The following MCM9 variants were observed in gnomAD, a reference collection of about 807,000 sequenced individuals.
The protein encoded by MCM9 is DNA helicase MCM9.
MCM9 carries 55 observed loss-of-function variants against 72.8 expected under a neutral mutation model. The ratio of observed to expected loss-of-function variants is 0.76; its 90% CI spans 0.61 to 0.95. MCM9 has a LOEUF of 0.95. Among genes scored for constraint, MCM9 ranks in the 40% least tolerant of loss-of-function variants. The probability of loss-of-function intolerance (pLI) is 0.00; values close to 1 mark genes in which losing one functional copy is unlikely to be tolerated. For missense variants in MCM9, 1,279 were observed against 1,377.0 expected, an observed-to-expected ratio of 0.93 and a Z score of 1.13; for synonymous variants, 480 against 503.4, an observed-to-expected ratio of 0.95 and a Z score of 0.62.
Position 118,913,347 on chromosome 6 carries a change from C to T in MCM9, c.978G>A (p.Met326Ile), listed in dbSNP as rs763668949. ...TCCTTTGAATCCCACCAGCCAGCAC[C>T]ATGGCCACAGCAAGCTTTACTAGAT... ...GMYLVKLAVA[M>I]VLAGGIQRTD... The change falls in exon 7 of 14, where the codon ATG becomes ATA. Residue 326 changes from methionine to isoleucine, a missense_variant. Transcript: ENST00000619706. 103 of 1,614,000 alleles carry T rather than the reference C, an allele frequency of 6.4e-5. No individual in the cohort carries two copies. Among genetic ancestry groups the T allele is most frequent in the Non-Finnish European group, 7.5e-5 (88 of 1,180,018 alleles).
chr6:118,870,033 A>G (rs1280240784), intron 8 of MCM9, among the ~76,000 whole-genome samples: 1 of 152,218 alleles, frequency 6.6e-6, no homozygotes, highest in Admixed American at 6.5e-5. Flanking sequence ...AAGGAGACAT[A>G]GCCTGCAACA....
intron 1 of MCM9, among the ~76,000 whole-genome samples, chr6:118,933,970 A>ACCCC (rs1782678838): frequency 6.6e-6 from 1 of 151,542 alleles, no homozygotes; most frequent in African/African-American, 2.4e-5. Flanking sequence ...TGCCCAAAAA[A>ACCCC]AAAAAAAAAA....
intron 8 of MCM9, among the ~76,000 whole-genome samples, chr6:118,896,782 T>C (rs1029405497): frequency 2.6e-5 from 4 of 152,186 alleles, no homozygotes; most frequent in East Asian, 1.9e-4. Flanking sequence ...ATAGGTTCCA[T>C]ACTTTTATAT....
intron 13 of MCM9, among the ~76,000 whole-genome samples, chr6:118,823,951 GA>G (rs1173600109): frequency 3.7e-5 from 5 of 134,232 alleles, no homozygotes; most frequent in African/African-American, 8.4e-5. Context: ...TTTATAATCA[GA>G]AAAAAAGCCC....
At chr6:118,911,565 A>G in intron 8 of MCM9, 85 bp downstream of exon 8, 1 of 1,512,046 alleles carries the variant, frequency 6.6e-7, no homozygotes, top group East Asian at 2.3e-5. Flanking sequence ...AATTTATCCT[A>G]TTATAGGTAG....
At chr6:118,828,285 G>A (rs969432522) in intron 10 of MCM9, among the ~76,000 whole-genome samples, 155 bp from the exon 11 acceptor site, 27 of 152,092 alleles carry the variant, frequency 1.8e-4, no homozygotes, top group African/African-American at 6.5e-4. Context: ...CATACAATCA[G>A]CATCTTATGA....
intron 8 of MCM9, among the ~76,000 whole-genome samples, chr6:118,876,170 C>G (rs1452057413): frequency 6.6e-6 from 1 of 152,012 alleles, no homozygotes; most frequent in South Asian, 2.1e-4. Context: ...ATTACATTCT[C>G]GAAAAAGTAA....
chr6:118,894,671 C>CGGCCGCCGAGGCGCGCGCGGCT, intron 8 of MCM9: 1 of 696,930 alleles, frequency 1.4e-6, no homozygotes, highest in African/African-American at 1.9e-5. Flanking sequence ...TGATGGACGA[C>CGGCCGCCGAGGCGCGCGCGGCT]GGCCGCCGAG....
At chr6:118,888,105 A>C (rs1778711859) in intron 8 of MCM9, among the ~76,000 whole-genome samples, 1 of 152,200 alleles carries the variant, frequency 6.6e-6, no homozygotes, top group African/African-American at 2.4e-5. Context: ...CCATGGCTAT[A>C]ATCAAAAAGA....
At chr6:118,872,718 T>A (rs759296592) in intron 8 of MCM9, among the ~76,000 whole-genome samples, 2 of 151,790 alleles carry the variant, frequency 1.3e-5, no homozygotes, top group Non-Finnish European at 2.9e-5. Context: ...GCAAAAGCAC[T>A]TAGAGCGACA....
In MCM9 at chr6:118,813,566, TAAAC is replaced by T. The variant is rs1171312724; in HGVS notation, c.*1254_*1257del. The T allele has an allele frequency of 3.9e-5, 6 of 152,316 alleles. No homozygotes were observed. In the East Asian group the frequency reaches 1.2e-3, roughly 29 times the overall value. 9.4% of individuals were successfully genotyped at this position (152,316 alleles called of 1,614,324 possible). On this transcript the variant is annotated 3_prime_UTR_variant, in exon 14 of 14. Transcript: ENST00000619706. ...TGCGTGAATTGAATGAAGTGAAAAT[TAAAC>T]AAAATACATATAGTTTTGAGTATTC...
In MCM9 at chr6:118,814,677, A is replaced by T; in HGVS notation, c.*147T>A. The T allele has an allele frequency of 1.4e-6, 1 of 715,248 alleles. No individual in the cohort carries two copies. The highest frequency in any genetic ancestry group is 2.1e-6 in the Non-Finnish European group (1 of 476,464). The allele number at this position is 715,248 out of a possible 1,614,324, so 44.3% of individuals were successfully genotyped here. On this transcript the variant is annotated 3_prime_UTR_variant, in exon 14 of 14. Transcript: ENST00000619706. The stretch of plus-strand genomic sequence containing the variant: ...TTTTAAGTCATGAAGATTAACCTGA[A>T]ATTAGAAAGCCTTAAGGGGGAGCCA...
chr6:118,824,701 G>A (rs1209997958), intron 13 of MCM9, among the ~76,000 whole-genome samples: 1 of 152,046 alleles, frequency 6.6e-6, no homozygotes, highest in Non-Finnish European at 1.5e-5. Context: ...AACTATAAAT[G>A]GTTTCATTAT....
rs1341297472 is a variant in MCM9 at position 118,843,668 on chromosome 6, A to ACACG, written c.1325+12702_1325+12703insCGTG. Among the ~76,000 whole-genome samples, 8 of 55,436 alleles carry ACACG rather than the reference A, an allele frequency of 1.4e-4. No homozygotes were observed. The East Asian group carries it at 2.7e-3, about 19-fold the overall frequency. 36.4% of individuals were successfully genotyped at this position (55,436 alleles called of 152,430 possible). On this transcript the variant is annotated intron_variant, in intron 9 of 13. Coordinates refer to ENST00000619706, the MANE Select transcript of MCM9 (RefSeq NM_017696.3). Reference sequence around the variant, plus strand: ...TATATATATATATGTGTATATATATATGTATGTATATATATATGTGTATAT... The same window carrying ACACG: ...TATATATATATATGTGTATATATATACACGTGTATGTATATATATATGTGTATAT...
intron 3 of MCM9, among the ~76,000 whole-genome samples, chr6:118,926,732 C>T (rs1781925460): frequency 6.6e-6 from 1 of 152,160 alleles, no homozygotes. Context: ...AATAATGCAA[C>T]TACAAACATT....
At chr6:118,824,402 G>A (rs1774030176) in intron 13 of MCM9, among the ~76,000 whole-genome samples, 1 of 149,006 alleles carries the variant, frequency 6.7e-6, no homozygotes, top group African/African-American at 2.5e-5. Context: ...TCCACCTCTT[G>A]GGTTCAGGCA....
chr6:118,903,386 G>T (rs1215380150), intron 8 of MCM9, among the ~76,000 whole-genome samples: 2 of 152,076 alleles, frequency 1.3e-5, no homozygotes, highest in Non-Finnish European at 2.9e-5. Context: ...CCCCTTCAGG[G>T]CAGGAACTGA....
intron 8 of MCM9, among the ~76,000 whole-genome samples, chr6:118,907,238 C>T (rs993641513): frequency 6.6e-6 from 1 of 152,158 alleles, no homozygotes; most frequent in Non-Finnish European, 1.5e-5. Flanking sequence ...CTAGTCGTTA[C>T]ATCTTATTAG....
intron 8 of MCM9, among the ~76,000 whole-genome samples, chr6:118,892,736 T>C (rs779349507): frequency 1.3e-5 from 2 of 152,212 alleles, no homozygotes; most frequent in African/African-American, 2.4e-5. Flanking sequence ...AACAACTGGC[T>C]TGAAGAAGTG....
Sources: gnomAD v4.1 joint callset for allele counts (sites outside exome capture counted in the v4.1 genomes callset) on GRCh38, gnomAD v4.1.1 for gene constraint, MANE v1.5 for transcripts, NCBI Gene and HGNC (gene_info 2026-07-23, HGNC 2026-07-21) for gene names.